PDZD2: variants seen among roughly 807,000 people sequenced by gnomAD.
The protein encoded by PDZD2 is PDZ domain containing 2.
PDZD2 carries 90 observed loss-of-function variants against 220.7 expected under a neutral mutation model. The ratio of observed to expected loss-of-function variants is 0.41; its 90% CI spans 0.34 to 0.49. PDZD2 has a LOEUF of 0.49. Ranked by LOEUF, PDZD2 falls within the 20% of genes least tolerant of loss-of-function variation. The pLI is 0.28. For missense variants in PDZD2, 3,174 were observed against 3,608.5 expected (o/e 0.88, Z 3.08); for synonymous variants, 1,375 against 1,450.5 (o/e 0.95, Z 1.18).
At chr5:32,081,230 G>A (rs1741924042) in intron 19 of PDZD2, among the ~76,000 whole-genome samples, 1 of 152,062 alleles carries the variant, frequency 6.6e-6, no homozygotes, top group African/African-American at 2.4e-5. Flanking sequence ...ACCCCGGTGG[G>A]TGCAGATGTT....
chr5:31,929,457 G>A (rs1328795769), intron 2 of PDZD2, among the ~76,000 whole-genome samples: 1 of 152,232 alleles, frequency 6.6e-6, no homozygotes, highest in African/African-American at 2.4e-5. Context: ...AGTTGTGACA[G>A]TTTAAAATAT....
chr5:32,083,368 A>T lies in PDZD2; in HGVS notation c.3683-3763A>T, dbSNP rs1398569376. Reference sequence around the variant, plus strand: ...CCCTCGCACTGACCACTCTGCTGTCAGCACACCCATAGCCTACTCTAGGAA... The same window carrying T: ...CCCTCGCACTGACCACTCTGCTGTCTGCACACCCATAGCCTACTCTAGGAA... On this transcript the variant is annotated intron_variant, in intron 19 of 24. Transcript: ENST00000438447. This position sits in a 1 kb window ranked among gnomAD's most constrained non-coding sequence, Gnocchi z 4.1. 6.6e-6 allele frequency: 1 copy of T among 152,190 alleles called. No homozygotes were observed. The highest frequency in any genetic ancestry group is 2.4e-5 in the African/African-American group (1 of 41,436). 9.4% of individuals were successfully genotyped at this position (152,190 alleles called of 1,614,324 possible).
At chr5:31,697,957 C>T (rs1347149955) in intron 1 of PDZD2, among the ~76,000 whole-genome samples, 1 of 151,710 alleles carries the variant, frequency 6.6e-6, no homozygotes, top group African/African-American at 2.4e-5. Context: ...GGCTGGAGTG[C>T]AGTGGCGCGA....
intron 2 of PDZD2, among the ~76,000 whole-genome samples, chr5:31,921,478 G>C (rs1332491357): frequency 6.6e-6 from 1 of 152,064 alleles, no homozygotes; most frequent in African/African-American, 2.4e-5. Flanking sequence ...GAGCTTAGGA[G>C]TTCGAGACCA....
intron 2 of PDZD2, among the ~76,000 whole-genome samples, chr5:31,886,942 G>A (rs1463280645): frequency 3.3e-5 from 5 of 152,112 alleles, no homozygotes; most frequent in East Asian, 3.9e-4. Context: ...CAGGTGATCC[G>A]CCTGCCTCGG....
chr5:31,845,292 G>A (rs1757525157), intron 2 of PDZD2, among the ~76,000 whole-genome samples: 2 of 152,182 alleles, frequency 1.3e-5, no homozygotes, highest in African/African-American at 4.8e-5. Context: ...GACAGGAAAT[G>A]TCAAATGACT....
At chr5:31,894,983 G>C (rs1484205873) in intron 2 of PDZD2, among the ~76,000 whole-genome samples, 2 of 152,074 alleles carry the variant, frequency 1.3e-5, no homozygotes, top group Admixed American at 1.3e-4. Flanking sequence ...TCCGCCTCCT[G>C]GGTTCAGCTG....
At chr5:31,815,824 T>A (rs551543511) in intron 2 of PDZD2, among the ~76,000 whole-genome samples, 1 of 152,280 alleles carries the variant, frequency 6.6e-6, no homozygotes, top group African/African-American at 2.4e-5. Context: ...TAAATAAATT[T>A]TTTTTTTAAA....
intron 2 of PDZD2, among the ~76,000 whole-genome samples, chr5:31,939,108 G>T (rs1345812833): frequency 1.3e-5 from 2 of 152,172 alleles, no homozygotes; most frequent in African/African-American, 4.8e-5. Context: ...AATATGAAAA[G>T]TATGGCGCCC....
chr5:32,089,190 G>A lies in PDZD2; in HGVS notation c.5742G>A (p.Arg1914=), dbSNP rs1742826212. 1 of 1,614,146 alleles carries A rather than the reference G, an allele frequency of 6.2e-7. No individual in the cohort carries two copies. Among genetic ancestry groups the A allele is most frequent in the Non-Finnish European group, 8.5e-7 (1 of 1,180,032 alleles). ...NAVKAGGTDH[R]KPLISPQTSH... ...TGAAGGCTGGGGGGACGGACCACAG[G>A]AAACCCTTGATCTCACCCCAGACCT... The change falls in exon 20 of 25, where the codon AGG becomes AGA. Residue 1914 remains arginine, a synonymous_variant. Coordinates refer to ENST00000438447, the MANE Select transcript of PDZD2 (RefSeq NM_178140.4).
intron 1 of PDZD2, among the ~76,000 whole-genome samples, chr5:31,766,576 G>C (rs1441053526): frequency 6.6e-6 from 1 of 152,052 alleles, no homozygotes; most frequent in Non-Finnish European, 1.5e-5. Context: ...ATTTTTAGTA[G>C]AGATGGGGTT....
At chr5:32,055,191 A>G (rs528341592) in intron 10 of PDZD2, among the ~76,000 whole-genome samples, 111 of 152,182 alleles carry the variant, frequency 7.3e-4, no homozygotes, top group Admixed American at 2.2e-3. Flanking sequence ...AGGTATATAC[A>G]TATATATATT....
rs912108032 is a variant in PDZD2, at chr5:32,037,412, G to A, written c.1519+70G>A. 6 of 870,702 alleles carry A rather than the reference G, an allele frequency of 6.9e-6. No homozygotes were observed. The African/African-American group carries it at 9.9e-5, about 14-fold the overall frequency. The allele number at this position is 870,702 out of a possible 1,614,324, so 53.9% of individuals were successfully genotyped here. On this transcript the variant is annotated intron_variant, in intron 7 of 24. Transcript: ENST00000438447. ...TCAGCCTCAGGAGCAGGGAGATGAA[G>A]CCATTGCCGGGATGAGCTCCCGTCT...
At chr5:31,765,657 T>C (rs999426381) in intron 1 of PDZD2, among the ~76,000 whole-genome samples, 1 of 152,144 alleles carries the variant, frequency 6.6e-6, no homozygotes, top group African/African-American at 2.4e-5. Flanking sequence ...GGCGCATCCC[T>C]GAGGCCGGAA....
At chr5:31,829,613 A>G (rs1425248527) in intron 2 of PDZD2, among the ~76,000 whole-genome samples, 2 of 151,978 alleles carry the variant, frequency 1.3e-5, no homozygotes, top group African/African-American at 4.8e-5. Flanking sequence ...CACCACACCC[A>G]GCCCAGCTTA....
intron 23 of PDZD2, chr5:32,100,123 C>A (rs920853728): frequency 6.6e-6 from 1 of 152,430 alleles, no homozygotes; most frequent in African/African-American, 2.4e-5. Context: ...CTGCAATAGA[C>A]CCATTTTCCT....
chr5:31,887,078 C>A (rs1429116033), intron 2 of PDZD2, among the ~76,000 whole-genome samples: 1 of 152,190 alleles, frequency 6.6e-6, no homozygotes, highest in African/African-American at 2.4e-5. Flanking sequence ...CTGGGCTGTT[C>A]CTTCTGTGCT....
intron 1 of PDZD2, among the ~76,000 whole-genome samples, chr5:31,645,365 C>T (rs546017533): frequency 2.0e-4 from 27 of 133,134 alleles, no homozygotes; most frequent in Non-Finnish European, 3.2e-4. Flanking sequence ...GAGACGGAGT[C>T]TTGCTCTGTC....
chr5:31,953,019 C>T (rs905120098), intron 2 of PDZD2, among the ~76,000 whole-genome samples: 65 of 144,214 alleles, frequency 4.5e-4, no homozygotes, highest in African/African-American at 1.4e-3. Flanking sequence ...GATCGTGCCA[C>T]TGTACTCCAG....
Sources: allele counts gnomAD v4.1 joint callset (sites outside exome capture counted in the v4.1 genomes callset), GRCh38; gene constraint gnomAD v4.1.1; non-coding constraint Gnocchi (gnomAD v3.1); transcripts MANE v1.5; gene names NCBI Gene and HGNC (gene_info 2026-07-23, HGNC 2026-07-21).